Variants in CD96 observed in about 807,000 individuals in gnomAD.
CD96 encodes CD96 molecule.
In CD96, 70 loss-of-function variants were observed where a neutral mutation model predicts 71.3. That is an observed-to-expected ratio of 0.98 (90% CI 0.81 to 1.20). The LOEUF is 1.20. CD96 is among the 50% of genes most tolerant of loss of function. The probability of loss-of-function intolerance (pLI) is 0.00; values close to 1 mark genes in which losing one functional copy is unlikely to be tolerated. For synonymous variants in CD96, 248 were observed against 233.0 expected, an observed-to-expected ratio of 1.06 and a Z score of -0.59; for missense variants, 742 against 677.5, an observed-to-expected ratio of 1.10 and a Z score of -1.06.
intron 2 of CD96, among the ~76,000 whole-genome samples, chr3:111,564,290 A>G (rs538104825): frequency 1.3e-5 from 2 of 151,066 alleles, no homozygotes; most frequent in Non-Finnish European, 3.0e-5. Context: ...TCTTCTTTGC[A>G]TATCATTTCC....
chr3:111,622,149 T>C (rs1440900681), intron 8 of CD96, among the ~76,000 whole-genome samples: 1 of 152,156 alleles, frequency 6.6e-6, no homozygotes, highest in Non-Finnish European at 1.5e-5. Context: ...ATTAGCCCTT[T>C]TCTAGTGCAA....
At position 111,631,140 on chromosome 3, in the gene CD96, G is replaced by T. The variant is rs1939041266; in HGVS notation, c.1322-6056G>T. ...TATTCAACATAGTATTGGAAGTTCT[G>T]GCCAGGGCAGCCAGGCAAGAGAAAG... is the stretch of plus-strand genomic sequence containing the variant. On this transcript the variant is annotated intron_variant, in intron 10 of 13. Coordinates refer to ENST00000352690, the MANE Select transcript of CD96 (RefSeq NM_005816.5). Among the ~76,000 whole-genome samples, 3 of 152,088 alleles carry T rather than the reference G, an allele frequency of 2.0e-5. No individual in the cohort carries two copies. In the South Asian group the frequency reaches 6.2e-4, roughly 32 times the overall value.
chr3:111,609,315 GA>G (rs1274305496), intron 8 of CD96, among the ~76,000 whole-genome samples: 1 of 152,156 alleles, frequency 6.6e-6, no homozygotes, highest in East Asian at 1.9e-4. Flanking sequence ...TATCCTTTAT[GA>G]AATGGGGGAA....
chr3:111,556,539 A>G lies in CD96; in HGVS notation c.419-10984A>G, dbSNP rs1207943497. On this transcript the variant is annotated intron_variant, in intron 2 of 13. Transcript: ENST00000352690. ...TCCCTACAAAGGACGTGAACTCATC[A>G]TTTTTTATGGCTGCATAGTATTCCA... Among the ~76,000 whole-genome samples, 5 of 131,694 alleles carry G rather than the reference A, an allele frequency of 3.8e-5. No homozygotes were observed. In the South Asian group the frequency reaches 1.3e-3, roughly 35 times the overall value. The allele number at this position is 131,694 out of a possible 152,430, so 86.4% of individuals were successfully genotyped here. A position where few individuals can be genotyped will look rare whatever the true frequency, so the allele number is the denominator to read the frequency against.
chr3:111,586,298 T>C (rs1469565131), intron 5 of CD96, among the ~76,000 whole-genome samples: 1 of 152,168 alleles, frequency 6.6e-6, no homozygotes, highest in African/African-American at 2.4e-5. Context: ...GAAAATTATA[T>C]TCATTCTAGT....
At chr3:111,555,507 T>G (rs2107500325) in intron 2 of CD96, among the ~76,000 whole-genome samples, 1 of 152,420 alleles carries the variant, frequency 6.6e-6, no homozygotes, top group Non-Finnish European at 1.5e-5. Flanking sequence ...CTCTTTCTTT[T>G]AGCATTTTGA....
Position 111,657,622 on chromosome 3 carries a change from T to C in CD96, c.*52+7764T>C, listed in dbSNP as rs964822488. 7.9e-5 allele frequency among the ~76,000 whole-genome samples: 12 copies of C among 152,274 alleles called. No homozygotes were observed. In the Middle Eastern group the frequency reaches 0.01, roughly 129 times the overall value. On this transcript the variant is annotated intron_variant and NMD_transcript_variant, in intron 14 of 14. Transcript: ENST00000494798. ...GAAACATTGTTCTGTATTATAAGAT[T>C]ATGTAAATGTGTTGTCATTGGGTGC... is the stretch of plus-strand genomic sequence containing the variant.
intron 2 of CD96, among the ~76,000 whole-genome samples, chr3:111,556,869 G>A (rs1258277592): frequency 6.7e-6 from 1 of 148,624 alleles, no homozygotes; most frequent in Admixed American, 6.7e-5. Context: ...AGCACCTGTT[G>A]TTTCCTGACT....
intron 10 of CD96, among the ~76,000 whole-genome samples, chr3:111,627,558 A>G (rs887399853): frequency 1.3e-4 from 20 of 152,208 alleles, no homozygotes; most frequent in African/African-American, 4.3e-4. Context: ...CTGTTTGGGC[A>G]TCTCATCCAG....
At chr3:111,655,837 A>G (rs1576441544), downstream of CD96, among the ~76,000 whole-genome samples, 1 of 151,746 alleles carries the variant, frequency 6.6e-6, no homozygotes, top group East Asian at 1.9e-4. Flanking sequence ...ATCTATCTAC[A>G]GCTGTATTTG....
At chr3:111,595,570 A>G (rs1336076664) in intron 5 of CD96, 1 of 152,080 alleles carries the variant, frequency 6.6e-6, no homozygotes, top group Non-Finnish European at 1.5e-5. Flanking sequence ...TCATGCAGCA[A>G]AACAGTAAGT....
Position 111,638,364 on chromosome 3 carries a change from C to G in CD96, c.1477+196C>G, listed in dbSNP as rs1033729273. Among the ~76,000 whole-genome samples the G allele has an allele frequency of 5.3e-5, 8 of 152,226 alleles. No homozygotes were observed. In the East Asian group the frequency reaches 1.5e-3, roughly 29 times the overall value. ...ATAATCACAACTAAATTTATTTTGA[C>G]AAGTACTATGATAAGGTGTTGTCAG... On this transcript the variant is annotated intron_variant, in intron 12 of 13. Coordinates refer to ENST00000352690, the MANE Select transcript of CD96 (RefSeq NM_005816.5).
At chr3:111,638,713 A>G (rs1025097354) in intron 12 of CD96, among the ~76,000 whole-genome samples, 1 of 152,224 alleles carries the variant, frequency 6.6e-6, no homozygotes, top group African/African-American at 2.4e-5. Context: ...AATCAACTTC[A>G]GGGGTGTTCA....
intron 12 of CD96, among the ~76,000 whole-genome samples, 176 bp from the exon 13 acceptor site, chr3:111,647,367 A>C (rs73852852): frequency 3.4e-4 from 52 of 152,288 alleles, no homozygotes; most frequent in African/African-American, 1.3e-3. Flanking sequence ...GTACGTAATT[A>C]ACTCTTAAAA....
At chr3:111,565,537 TATAAGTAAAACAATTACA>T (rs1337843091) in intron 2 of CD96, among the ~76,000 whole-genome samples, 4 of 151,994 alleles carry the variant, frequency 2.6e-5, no homozygotes, top group Non-Finnish European at 5.9e-5. Flanking sequence ...AATAAATATA[TATAAGTAAAACAATTACA>T]ATAATTTAAG....
intron 2 of CD96, among the ~76,000 whole-genome samples, chr3:111,561,694 CT>C (rs1935421648): frequency 7.2e-6 from 1 of 139,824 alleles, no homozygotes; most frequent in East Asian, 2.1e-4. Context: ...GAGGTGGAGC[CT>C]ACAGAGGCAG....
chr3:111,574,722 TC>T (rs1936145065), intron 3 of CD96, among the ~76,000 whole-genome samples: 1 of 152,114 alleles, frequency 6.6e-6, no homozygotes, highest in African/African-American at 2.4e-5. Context: ...TTTGTTCTTC[TC>T]CTTAAGTATA....
intron 10 of CD96, among the ~76,000 whole-genome samples, chr3:111,630,699 C>T (rs932131906): frequency 7.2e-5 from 11 of 152,032 alleles, no homozygotes; most frequent in African/African-American, 1.4e-4. Flanking sequence ...GGCAGAGATA[C>T]AACAAAAAAA....
At chr3:111,583,536 C>T (rs903927133) in intron 4 of CD96, among the ~76,000 whole-genome samples, 4 of 152,196 alleles carry the variant, frequency 2.6e-5, no homozygotes, top group African/African-American at 4.8e-5. Context: ...TCATGAGGGC[C>T]CCGCCCTTGC....
Sources: gnomAD v4.1 joint callset for allele counts (sites outside exome capture counted in the v4.1 genomes callset) on GRCh38, gnomAD v4.1.1 for gene constraint, MANE v1.5 for transcripts, NCBI Gene and HGNC (gene_info 2026-07-23, HGNC 2026-07-21) for gene names.